Variants in AR observed in about 807,000 individuals in gnomAD.
AR encodes androgen receptor, also known as dihydrotestosterone receptor.
AR carries 8 observed loss-of-function variants against 53.9 expected under a neutral mutation model. That is an observed-to-expected ratio of 0.15 (90% CI 0.09 to 0.27). The LOEUF is 0.27. Ranked by LOEUF, AR falls within the 10% of genes least tolerant of loss-of-function variation. AR has a pLI of 1.00. For synonymous variants in AR, 359 were observed against 316.4 expected, an observed-to-expected ratio of 1.13 and a Z score of -1.43; for missense variants, 639 against 742.5, an observed-to-expected ratio of 0.86 and a Z score of 1.62.
At chrX:67,686,976 T>G (rs187901648) in intron 3 of AR, among the ~76,000 whole-genome samples, 1 of 111,688 alleles carries the variant, frequency 9.0e-6, no homozygotes, top group East Asian at 2.9e-4. Flanking sequence ...CGCTGCTGCC[T>G]GCTACTTCCA....
At chrX:67,695,823 A>G (rs12837784) in intron 3 of AR, 2 of 688,223 alleles carry the variant, frequency 2.9e-6, no homozygotes, top group South Asian at 7.7e-5. Context: ...TCTCTCTCTC[A>G]CACACACACA....
intron 2 of AR, among the ~76,000 whole-genome samples, chrX:67,660,757 A>T (rs867012621): frequency 8.9e-6 from 1 of 111,926 alleles, no homozygotes; most frequent in African/African-American, 3.3e-5. Flanking sequence ...GAAGAAAGTC[A>T]TGGGTAGCTT....
At chrX:67,667,841 C>T (rs1435453224) in intron 2 of AR, among the ~76,000 whole-genome samples, 1 of 110,493 alleles carries the variant, frequency 9.1e-6, no homozygotes, top group African/African-American at 3.3e-5. Flanking sequence ...AATGGGATTG[C>T]TTTCTTGATT....
intron 3 of AR, chrX:67,695,088 T>A (rs1908444441): frequency 1.3e-6 from 1 of 778,683 alleles, no homozygotes; most frequent in Non-Finnish European, 1.5e-6. Context: ...GCAGTGAAGC[T>A]CTGGCTCAGT....
At chrX:67,627,868 T>C (rs1924782869) in intron 1 of AR, among the ~76,000 whole-genome samples, 1 of 112,154 alleles carries the variant, frequency 8.9e-6, no homozygotes, top group Admixed American at 9.5e-5. Context: ...TAGCCAGTTT[T>C]TCCAGCACCA....
chrX:67,694,870 T>C (rs1410034030), intron 3 of AR: 4 of 1,068,562 alleles, frequency 3.7e-6, no homozygotes, highest in Non-Finnish European at 4.8e-6. Flanking sequence ...ACTCTCTTGA[T>C]TGCTGACTCC....
intron 1 of AR, among the ~76,000 whole-genome samples, chrX:67,553,339 C>T (rs191050349): frequency 8.9e-6 from 1 of 112,137 alleles, no homozygotes; most frequent in East Asian, 2.8e-4. Flanking sequence ...TCTTGGCACC[C>T]TTTGTGTAAA....
At chrX:67,619,345 G>A (rs902484289) in intron 1 of AR, among the ~76,000 whole-genome samples, 1 of 110,951 alleles carries the variant, frequency 9.0e-6, no homozygotes, top group Non-Finnish European at 1.9e-5. Context: ...GTGTGTGTGT[G>A]TGTGTGTAAT....
At chrX:67,621,338 C>T (rs1222861090) in intron 1 of AR, among the ~76,000 whole-genome samples, 2 of 110,962 alleles carry the variant, frequency 1.8e-5, no homozygotes, top group Non-Finnish European at 3.8e-5. Context: ...AGATTTTTGT[C>T]GTTGTTGTTG....
intron 1 of AR, among the ~76,000 whole-genome samples, chrX:67,605,316 A>G (rs1446088446): frequency 1.8e-5 from 2 of 112,415 alleles, no homozygotes; most frequent in African/African-American, 3.2e-5. Context: ...AATAATTAAG[A>G]AAGTGTTTCC....
At chrX:67,660,286 C>T (rs190303943) in intron 2 of AR, among the ~76,000 whole-genome samples, 109 of 111,839 alleles carry the variant, frequency 9.7e-4, no homozygotes, top group Non-Finnish European at 1.7e-3. Flanking sequence ...GAAGTCCTTG[C>T]CCATGCCTAT....
At chrX:67,575,598 C>T (rs1275893745) in intron 1 of AR, among the ~76,000 whole-genome samples, 3 of 111,877 alleles carry the variant, frequency 2.7e-5, no homozygotes, top group African/African-American at 6.5e-5. Context: ...TGCAGACTTT[C>T]AGAAACTAGA....
At chrX:67,640,810 A>G (rs1300077509) in intron 1 of AR, among the ~76,000 whole-genome samples, 1 of 111,366 alleles carries the variant, frequency 9.0e-6, no homozygotes, top group Non-Finnish European at 1.9e-5. Flanking sequence ...CATCATCAGC[A>G]TTATCATTAT....
At chrX:67,708,814 A>G (rs2076080601) in intron 3 of AR, among the ~76,000 whole-genome samples, 1 of 110,934 alleles carries the variant, frequency 9.0e-6, no homozygotes, top group Non-Finnish European at 1.9e-5. Context: ...TACAGATGGG[A>G]TTTTGGTGTG....
chrX:67,664,803 G>T (rs752394843), intron 2 of AR, among the ~76,000 whole-genome samples: 4 of 112,455 alleles, frequency 3.6e-5, no homozygotes, highest in African/African-American at 6.5e-5. Flanking sequence ...ACCTACTCAA[G>T]CTTCAGCAAT....
At chrX:67,644,567 A>C (rs1278650575) in intron 2 of AR, among the ~76,000 whole-genome samples, 1 of 112,148 alleles carries the variant, frequency 8.9e-6, no homozygotes, top group Non-Finnish European at 1.9e-5. Context: ...ATATGGAAGA[A>C]GCACCAGAGA....
chrX:67,710,028 A>ATCCAAAACACACAC (rs2076087188), intron 3 of AR, among the ~76,000 whole-genome samples: 1 of 111,081 alleles, frequency 9.0e-6, no homozygotes, highest in Non-Finnish European at 1.9e-5. Flanking sequence ...CAAGAGCTTT[A>ATCCAAAACACACAC]ACTATCAAAA....
intron 3 of AR, among the ~76,000 whole-genome samples, chrX:67,687,488 A>G (rs1424135457): frequency 8.9e-6 from 1 of 111,944 alleles, no homozygotes; most frequent in Non-Finnish European, 1.9e-5. Flanking sequence ...ATCAAATGAG[A>G]CTCAGATATC....
At chrX:67,692,556 T>C (rs1234508400) in intron 3 of AR, among the ~76,000 whole-genome samples, 1 of 112,288 alleles carries the variant, frequency 8.9e-6, no homozygotes, top group Non-Finnish European at 1.9e-5. Context: ...AGAGAGGCCT[T>C]GTTTCTAGTC....
Sources: allele counts gnomAD v4.1 joint callset (sites outside exome capture counted in the v4.1 genomes callset), GRCh38; gene constraint gnomAD v4.1.1; transcripts MANE v1.5; gene names NCBI Gene and HGNC (gene_info 2026-07-23, HGNC 2026-07-21).